MAP3K20: variants seen among roughly 807,000 people sequenced by gnomAD.
MAP3K20 encodes the protein HCCS-4.
A neutral mutation model predicts 85.7 loss-of-function variants in MAP3K20; 40 were observed. The observed-to-expected ratio is 0.47, with a 90% CI of 0.36 to 0.61. MAP3K20 has a LOEUF of 0.61. Among genes scored for constraint, MAP3K20 ranks in the 20% least tolerant of loss-of-function variants. The pLI, the probability that MAP3K20 is intolerant of heterozygous loss-of-function variation, is 0.00. For missense variants in MAP3K20, 817 were observed against 961.7 expected (o/e 0.85, Z 1.99); for synonymous variants, 325 against 327.7 (o/e 0.99, Z 0.09).
chr2:173,224,713 C>T, intron 11 of MAP3K20: 1 of 985,370 alleles, frequency 1.0e-6, no homozygotes. Context: ...TCCCAATGTC[C>T]TTCTAGTGGT....
intron 3 of MAP3K20, among the ~76,000 whole-genome samples, chr2:173,174,010 CTATATGTG>C (rs570676444): frequency 4.3e-4 from 65 of 152,238 alleles, no homozygotes; most frequent in Non-Finnish European, 8.4e-4. Flanking sequence ...AAGCATGTAA[CTATATGTG>C]TATATAGTGA....
rs1032314665 is a variant in MAP3K20, at chr2:173,146,214, A to C, written c.160-23591A>C. On this transcript the variant is annotated intron_variant, in intron 2 of 19. Coordinates refer to ENST00000375213, the MANE Select transcript of MAP3K20 (RefSeq NM_016653.3). Reference sequence around the variant, plus strand: ...TTTACCTCAGTTAGAAGAAACAAAAAAGTTTCAGGTTTTTGTTGTTTTTTT... The same window carrying C: ...TTTACCTCAGTTAGAAGAAACAAAACAGTTTCAGGTTTTTGTTGTTTTTTT... Among the ~76,000 whole-genome samples the C allele has an allele frequency of 2.6e-5, 4 of 152,142 alleles. No homozygotes were observed. In the East Asian group the frequency reaches 7.7e-4, roughly 29 times the overall value.
At position 173,266,150 on chromosome 2, in the gene MAP3K20, C is replaced by T; in HGVS notation, c.1803C>T (p.Phe601=). The T allele has an allele frequency of 1.2e-6, 2 of 1,614,038 alleles. No homozygotes were observed. The highest frequency in any genetic ancestry group is 1.6e-4 in the Middle Eastern group (1 of 6,062). The change falls in exon 20 of 20, where the codon TTC becomes TTT. Residue 601 remains phenylalanine (F), a synonymous_variant. Transcript: ENST00000375213. ...GCAATCCTATTCTGGGGTCACCGTT[C>T]TTCTCACACTTTGATGGCCAGGATT... The part of the protein sequence containing the change: ...SQSNPILGSP[F]FSHFDGQDSY...
chr2:173,133,210 T>G (rs1688667433), intron 2 of MAP3K20, among the ~76,000 whole-genome samples: 1 of 152,228 alleles, frequency 6.6e-6, no homozygotes, highest in Non-Finnish European at 1.5e-5. Flanking sequence ...CTGAGTCCTT[T>G]ACCTAAAGAA....
chr2:173,087,920 C>A (rs533539040), intron 1 of MAP3K20, among the ~76,000 whole-genome samples: 2 of 152,094 alleles, frequency 1.3e-5, no homozygotes, highest in Admixed American at 1.3e-4. Flanking sequence ...AAGGTTCTCA[C>A]AGAGGAAAAA....
In MAP3K20 at chr2:173,087,708, G is replaced by A. The variant is rs1177573939; in HGVS notation, c.-34-3290G>A. Among the ~76,000 whole-genome samples the A allele has an allele frequency of 2.0e-5, 3 of 152,136 alleles. No homozygotes were observed. The East Asian group carries it at 5.8e-4, about 29-fold the overall frequency. On this transcript the variant is annotated intron_variant, in intron 1 of 19. Coordinates refer to ENST00000375213, the MANE Select transcript of MAP3K20 (RefSeq NM_016653.3). ...ACATTAGAAACTAGGAGAAAATGAAGTAATACTTTCAAAATTATATGGAAA... is the reference window on the plus strand; with the variant it reads ...ACATTAGAAACTAGGAGAAAATGAAATAATACTTTCAAAATTATATGGAAA...
rs1044452639 is a variant in MAP3K20 at position 173,171,776 on chromosome 2, G to GC, written c.247+1886dup. The stretch of plus-strand genomic sequence containing the variant: ...GGATCTATATCTCTTTCCCTGTAGA[G>GC]CCAGTAAGTAAGCAACTGGCTTTAC... On this transcript the variant is annotated intron_variant, in intron 3 of 19. Coordinates refer to ENST00000375213, the MANE Select transcript of MAP3K20 (RefSeq NM_016653.3). 8.1e-4 allele frequency among the ~76,000 whole-genome samples: 124 copies of GC among 152,220 alleles called. 1 individual carries two copies. The highest frequency in any genetic ancestry group is 2.8e-3 in the African/African-American group (117 of 41,534).
At chr2:173,222,286 G>A in intron 11 of MAP3K20, 23 of 985,840 alleles carry the variant, frequency 2.3e-5, no homozygotes, top group Non-Finnish European at 2.7e-5. Flanking sequence ...ATAACAAAAT[G>A]CTCTTCAGAA....
intron 2 of MAP3K20, among the ~76,000 whole-genome samples, chr2:173,146,377 T>C (rs1465803525): frequency 4.6e-5 from 7 of 152,196 alleles, no homozygotes. Flanking sequence ...CACTATTTTA[T>C]TCATATATGT....
At chr2:173,231,473 G>A (rs918515785) in intron 12 of MAP3K20, among the ~76,000 whole-genome samples, 3 of 152,204 alleles carry the variant, frequency 2.0e-5, no homozygotes, top group Non-Finnish European at 4.4e-5. Flanking sequence ...AGTTTCCCCT[G>A]TCATTTGAAA....
intron 9 of MAP3K20, among the ~76,000 whole-genome samples, chr2:173,204,831 C>T (rs534146599): frequency 2.7e-4 from 41 of 152,196 alleles, no homozygotes; most frequent in African/African-American, 7.5e-4. Flanking sequence ...AGGCTGGGCG[C>T]GGTGGCTCAC....
intron 15 of MAP3K20, 125 bp downstream of exon 15, chr2:173,238,560 T>C: frequency 3.6e-6 from 3 of 828,074 alleles, no homozygotes; most frequent in Non-Finnish European, 5.7e-6. Flanking sequence ...CATATCTGTC[T>C]AACAAAAGGC....
Position 173,240,847 on chromosome 2 carries a change from C to G in MAP3K20, c.1359+1351C>G, listed in dbSNP as rs572379522. Among the ~76,000 whole-genome samples, 6 of 152,228 alleles carry G rather than the reference C, an allele frequency of 3.9e-5. No homozygotes were observed. In the East Asian group the frequency reaches 1.2e-3, roughly 29 times the overall value. ...TTATTGCAGCACTGCGCACAAAATC[C>G]AACATTTGGAAGCAAACCTAAGTGC... On this transcript the variant is annotated intron_variant, in intron 16 of 19. Coordinates refer to ENST00000375213, the MANE Select transcript of MAP3K20 (RefSeq NM_016653.3).
chr2:173,232,637 G>A (rs1198270452), intron 14 of MAP3K20, among the ~76,000 whole-genome samples, 178 bp downstream of exon 14: 4 of 152,158 alleles, frequency 2.6e-5, no homozygotes, highest in Non-Finnish European at 5.9e-5. Flanking sequence ...CCAAGTAGCT[G>A]GGATTACAGA....
intron 17 of MAP3K20, among the ~76,000 whole-genome samples, chr2:173,259,807 C>G (rs1403469638): frequency 2.0e-5 from 3 of 152,170 alleles, no homozygotes; most frequent in Non-Finnish European, 4.4e-5. Context: ...CTTGGTTTTA[C>G]CTTTTTCTTA....
At chr2:173,096,063 G>T (rs1440061814) in intron 2 of MAP3K20, among the ~76,000 whole-genome samples, 1 of 152,120 alleles carries the variant, frequency 6.6e-6, no homozygotes, top group Non-Finnish European at 1.5e-5. Context: ...GTTATAAGAT[G>T]TGTATGCAGC....
At chr2:173,217,299 C>T (rs770180736) in intron 11 of MAP3K20, 49 bp downstream of exon 11, 4 of 1,431,256 alleles carry the variant, frequency 2.8e-6, no homozygotes, top group African/African-American at 1.4e-5. Context: ...CTCTAGGCTG[C>T]GCAGCTGAGC....
At chr2:173,223,183 G>C (rs1465457667) in intron 11 of MAP3K20, 1 of 985,304 alleles carries the variant, frequency 1.0e-6, no homozygotes, top group East Asian at 1.1e-4. Flanking sequence ...CTAGTAGAAA[G>C]TTCTGGGTGT....
chr2:173,262,735 T>C (rs980921974), intron 18 of MAP3K20, among the ~76,000 whole-genome samples: 1 of 152,214 alleles, frequency 6.6e-6, no homozygotes, highest in Non-Finnish European at 1.5e-5. Context: ...GGATGAGGCA[T>C]CTGAGAAGTT....
Sources: allele counts gnomAD v4.1 joint callset (sites outside exome capture counted in the v4.1 genomes callset), GRCh38; gene constraint gnomAD v4.1.1; transcripts MANE v1.5; gene names NCBI Gene and HGNC (gene_info 2026-07-23, HGNC 2026-07-21).